REDIC1: variants seen among roughly 807,000 people sequenced by gnomAD.
The protein encoded by REDIC1 is HEI10 Interacting Protein 1.
the REDIC1 span, among the ~76,000 whole-genome samples, chr12:39,691,845 CTTG>C: frequency 1.3e-5 from 2 of 151,954 alleles, no homozygotes; most frequent in Non-Finnish European, 2.9e-5. Context: ...TATTCTGTTG[CTTG>C]TTGTTTTTTA....
chr12:39,648,831 T>C, the REDIC1 span, among the ~76,000 whole-genome samples: 8,095 of 151,234 alleles, frequency 0.054, 253 homozygotes, highest in Middle Eastern at 0.09. Context: ...GTTATATATA[T>C]GCCATATGAT....
the REDIC1 span, among the ~76,000 whole-genome samples, chr12:39,872,818 A>G: frequency 1.3e-5 from 2 of 152,244 alleles, no homozygotes; most frequent in Non-Finnish European, 2.9e-5. Context: ...ATGTGATAGA[A>G]TTCAAATCTT....
chr12:39,704,722 G>C, the REDIC1 span, among the ~76,000 whole-genome samples: 1 of 152,114 alleles, frequency 6.6e-6, no homozygotes, highest in African/African-American at 2.4e-5. Context: ...CACATATAGA[G>C]CATGGAATAC....
chr12:39,711,787 G>GTGTGTGTACACATGCATGTGTA, the REDIC1 span, among the ~76,000 whole-genome samples: 10 of 116,788 alleles, frequency 8.6e-5, no homozygotes, highest in East Asian at 5.2e-4. Context: ...GCATGTGTAT[G>GTGTGTGTACACATGCATGTGTA]TGTGTGTACA....
At chr12:39,681,754 C>T in the REDIC1 span, among the ~76,000 whole-genome samples, 10 of 152,040 alleles carry the variant, frequency 6.6e-5, no homozygotes, top group Non-Finnish European at 8.8e-5. Flanking sequence ...TCTCTATTGC[C>T]AATATATGGC....
the REDIC1 span, among the ~76,000 whole-genome samples, chr12:39,889,815 C>T: frequency 6.6e-6 from 1 of 152,122 alleles, no homozygotes; most frequent in African/African-American, 2.4e-5. Flanking sequence ...CAGGTGTGAG[C>T]CACCAGGCCT....
the REDIC1 span, among the ~76,000 whole-genome samples, chr12:39,654,684 G>T: frequency 6.6e-6 from 1 of 151,884 alleles, no homozygotes; most frequent in Non-Finnish European, 1.5e-5. Flanking sequence ...CTATATTTAT[G>T]AAGAATATTT....
chr12:39,768,301 C>T, the REDIC1 span, among the ~76,000 whole-genome samples: 1 of 152,162 alleles, frequency 6.6e-6, no homozygotes, highest in African/African-American at 2.4e-5. Context: ...ACCACTCAAA[C>T]TTTCTTCATA....
the REDIC1 span, among the ~76,000 whole-genome samples, chr12:39,707,267 A>G: frequency 6.6e-6 from 1 of 152,008 alleles, no homozygotes; most frequent in Non-Finnish European, 1.5e-5. Context: ...GATGCTCAAC[A>G]TCACTGATCA....
the REDIC1 span, among the ~76,000 whole-genome samples, chr12:39,642,659 G>C: frequency 2.6e-5 from 4 of 151,644 alleles, no homozygotes; most frequent in Admixed American, 6.6e-5. Flanking sequence ...GTTGTTTCAA[G>C]GTGGAAAACT....
At chr12:39,676,736 T>A in the REDIC1 span, among the ~76,000 whole-genome samples, 1 of 152,118 alleles carries the variant, frequency 6.6e-6, no homozygotes, top group Non-Finnish European at 1.5e-5. Flanking sequence ...AAGGAAAACC[T>A]GTAAGATTAA....
the REDIC1 span, among the ~76,000 whole-genome samples, chr12:39,795,034 C>T: frequency 6.6e-6 from 1 of 152,086 alleles, no homozygotes; most frequent in Non-Finnish European, 1.5e-5. Flanking sequence ...TGCTGGGATG[C>T]TTTGTGCTTC....
chr12:39,695,109 C>T, the REDIC1 span, among the ~76,000 whole-genome samples: 2 of 152,156 alleles, frequency 1.3e-5, no homozygotes, highest in Admixed American at 6.5e-5. Context: ...TGCCCAGGGA[C>T]TGCATTGAGG....
chr12:39,641,073 C>T, the REDIC1 span: 1 of 1,130,974 alleles, frequency 8.8e-7, no homozygotes, highest in Non-Finnish European at 1.3e-6. Context: ...CTAATACATT[C>T]ACCTAAGTGA....
At chr12:39,885,219 C>T in the REDIC1 span, among the ~76,000 whole-genome samples, 13 of 152,272 alleles carry the variant, frequency 8.5e-5, no homozygotes, top group East Asian at 2.3e-3. Flanking sequence ...ACAGGACTGC[C>T]AGTACCCAAA....
At chr12:39,818,467 G>A in the REDIC1 span, among the ~76,000 whole-genome samples, 2 of 152,178 alleles carry the variant, frequency 1.3e-5, no homozygotes, top group African/African-American at 2.4e-5. Flanking sequence ...AGCTAGCAGG[G>A]AAGATGATGC....
chr12:39,687,384 A>G, the REDIC1 span, among the ~76,000 whole-genome samples: 2 of 152,224 alleles, frequency 1.3e-5, no homozygotes, highest in Non-Finnish European at 2.9e-5. Flanking sequence ...CTGGGGAAGA[A>G]TTGGCTTCTG....
At chr12:39,716,654 T>C in the REDIC1 span, 1 of 775,710 alleles carries the variant, frequency 1.3e-6, no homozygotes, top group East Asian at 3.0e-5. Context: ...TTTTGTGTTG[T>C]TAGCTAAATT....
At chr12:39,907,270 G>A in the REDIC1 span, among the ~76,000 whole-genome samples, 1 of 152,046 alleles carries the variant, frequency 6.6e-6, no homozygotes, top group Non-Finnish European at 1.5e-5. Flanking sequence ...CCACCCACAT[G>A]CAAAATGATG....
Sources: gnomAD v4.1 joint callset for allele counts (sites outside exome capture counted in the v4.1 genomes callset) on GRCh38, gnomAD v4.1.1 for gene constraint, MANE v1.5 for transcripts, NCBI Gene and HGNC (gene_info 2026-07-23, HGNC 2026-07-21) for gene names.